The following C12orf43 variants were observed in gnomAD, a reference collection of about 807,000 sequenced individuals.
The protein encoded by C12orf43 is chromosome 12 open reading frame 43, also known as protein CUSTOS.
C12orf43 carries 15 observed loss-of-function variants against 20.6 expected under a neutral mutation model. That is an observed-to-expected ratio of 0.73 (90% CI 0.49 to 1.12). The LOEUF is 1.12. C12orf43 is among the 50% of genes most tolerant of loss of function. C12orf43 has a pLI of 0.00. For synonymous variants in C12orf43, 144 were observed against 130.8 expected (o/e 1.10, Z -0.69); for missense variants, 334 against 344.4 (o/e 0.97, Z 0.24).
Position 121,001,128 on chromosome 12 carries a change from T to C in C12orf43, c.*3025A>G. On this transcript the variant is annotated 3_prime_UTR_variant, in exon 6 of 6. Transcript: ENST00000288757. ...TCCAGCAATGGCCAGAGCCACCTGC[T>C]GCCATCCAACCACAGCGTCATCGAG... The C allele has an allele frequency of 6.2e-7, 1 of 1,614,090 alleles. No individual in the cohort carries two copies. The highest frequency in any genetic ancestry group is 8.5e-7 in the Non-Finnish European group (1 of 1,179,984).
intron 1 of C12orf43, chr12:121,012,607 C>T: frequency 6.6e-6 from 4 of 608,086 alleles, no homozygotes; most frequent in Non-Finnish European, 1.2e-5. Context: ...AATCCCAGCA[C>T]TTTGGGAGGC....
Position 121,012,849 on chromosome 12 carries a change from TAAAAAAA to T in C12orf43, c.146-1710_146-1704del, listed in dbSNP as rs10636003. Among the ~76,000 whole-genome samples the T allele has an allele frequency of 1.2e-3, 109 of 91,986 alleles. 2 individuals carry two copies. The highest frequency in any genetic ancestry group is 2.0e-3 in the Non-Finnish European group (92 of 46,974). 60.3% of individuals were successfully genotyped at this position (91,986 alleles called of 152,430 possible). A position where few individuals can be genotyped will look rare whatever the true frequency, so the allele number is the denominator to read the frequency against. On this transcript the variant is annotated intron_variant, in intron 1 of 5. Transcript: ENST00000288757. The stretch of plus-strand genomic sequence containing the variant: ...CCTGGTGACAGAGCAAGACTCCGTC[TAAAAAAA>T]AAAAAAAAAAAAAAAAAAGATGGAG...
chr12:121,001,852 C>T lies in C12orf43; in HGVS notation c.*2301G>A, dbSNP rs937579196. The T allele has an allele frequency of 2.7e-5, 14 of 525,930 alleles. No individual in the cohort carries two copies. Among genetic ancestry groups the T allele is most frequent in the Non-Finnish European group, 4.8e-5 (13 of 271,028 alleles). The allele number at this position is 525,930 out of a possible 1,614,324, so 32.6% of individuals were successfully genotyped here. A position where few individuals can be genotyped will look rare whatever the true frequency, so the allele number is the denominator to read the frequency against. ...AAGGCAGGCAGGGCTCTCCTGGCTTCCCATCCCCAGCGATTCCCTCTCCCA... is the reference window on the plus strand; with the variant it reads ...AAGGCAGGCAGGGCTCTCCTGGCTTTCCATCCCCAGCGATTCCCTCTCCCA... On this transcript the variant is annotated 3_prime_UTR_variant, in exon 6 of 6. Transcript: ENST00000288757.
chr12:121,014,537 G>C (rs1464388626), intron 1 of C12orf43, among the ~76,000 whole-genome samples: 14 of 151,454 alleles, frequency 9.2e-5, no homozygotes, highest in Admixed American at 9.2e-4. Context: ...GGCTGAGGCA[G>C]GAGAATCACT....
chr12:121,006,336 C>T lies in C12orf43; in HGVS notation c.346G>A (p.Ala116Thr), dbSNP rs771474742. The T allele has an allele frequency of 5.0e-6, 8 of 1,613,826 alleles. No individual in the cohort carries two copies. In the Admixed American group the frequency reaches 8.3e-5, roughly 17 times the overall value. Residue 116 changes from alanine (A) to threonine (T), a missense_variant, in exon 4 of 6, where the codon GCT becomes ACT. Coordinates refer to ENST00000288757, the MANE Select transcript of C12orf43 (RefSeq NM_022895.3). The part of the protein sequence containing the change: ...EPAKAKVQKV[A>T]LEDDGFRLFF... ...AACCACTCACCATCATCCTCCAAAG[C>T]GACTTTCTGTACCTTAGCTTTTGCT...
chr12:121,004,136 T>C lies in C12orf43; in HGVS notation c.*17A>G, dbSNP rs373975228. 85 of 1,613,454 alleles carry C rather than the reference T, an allele frequency of 5.3e-5. No homozygotes were observed. The African/African-American group carries it at 9.1e-4, about 17-fold the overall frequency. ...CTTGTCCTTGGAGCTGGCTGAGCCC[T>C]GTGCCCATGGCTGGGTTCAGTTTGC... On this transcript the variant is annotated 3_prime_UTR_variant, in exon 6 of 6. Coordinates refer to ENST00000288757, the MANE Select transcript of C12orf43 (RefSeq NM_022895.3). This position sits in a 1 kb window ranked among gnomAD's most constrained non-coding sequence, Gnocchi z 5.6.
At chr12:121,007,981 C>T (rs1370438432) in intron 3 of C12orf43, among the ~76,000 whole-genome samples, 1 of 150,814 alleles carries the variant, frequency 6.6e-6, no homozygotes, top group Non-Finnish European at 1.5e-5. Context: ...GTGCTACTAT[C>T]ATCTAGTAGG....
At chr12:121,014,610 A>G (rs1431548882) in intron 1 of C12orf43, among the ~76,000 whole-genome samples, 1 of 147,844 alleles carries the variant, frequency 6.8e-6, no homozygotes, top group Non-Finnish European at 1.5e-5. Flanking sequence ...AGCCTGGGCA[A>G]CAAGAGTGAA....
chr12:121,012,666 C>T (rs1016033692), intron 1 of C12orf43: 5 of 483,462 alleles, frequency 1.0e-5, no homozygotes, highest in African/African-American at 2.0e-5. Context: ...TCCTGGTCAA[C>T]ATGGTGAAAC....
intron 1 of C12orf43, among the ~76,000 whole-genome samples, chr12:121,011,995 A>G (rs1382146405): frequency 6.6e-6 from 1 of 152,224 alleles, no homozygotes; most frequent in Non-Finnish European, 1.5e-5. Flanking sequence ...ATAAACACAC[A>G]TACGTAAACA....
At chr12:121,014,512 C>T (rs1868702490) in intron 1 of C12orf43, among the ~76,000 whole-genome samples, 1 of 151,604 alleles carries the variant, frequency 6.6e-6, no homozygotes, top group Non-Finnish European at 1.5e-5. Context: ...CGCCTGTAAT[C>T]CCAGCTACTA....
intron 3 of C12orf43, among the ~76,000 whole-genome samples, chr12:121,009,444 CAAA>C (rs1878274897): frequency 6.6e-6 from 1 of 151,774 alleles, no homozygotes; most frequent in Admixed American, 6.6e-5. Context: ...ACTCTGTCTC[CAAA>C]AAGAGAAAAG....
At chr12:121,016,275 C>G (rs779047303) in intron 1 of C12orf43, 55 bp downstream of exon 1, 7 of 1,609,800 alleles carry the variant, frequency 4.3e-6, no homozygotes, top group Non-Finnish European at 5.9e-6. Context: ...TCCTCTCAGG[C>G]TCCAGGGGAA....
Position 121,003,939 on chromosome 12 carries a change from G to A in C12orf43, c.*214C>T. ...CAGCCCTCCGTGGGAGCACAGAGGG[G>A]CAGGCCTTGATTGGTCTTCTCACCC... On this transcript the variant is annotated 3_prime_UTR_variant, in exon 6 of 6. Transcript: ENST00000288757. 1 of 606,028 alleles carries A rather than the reference G, an allele frequency of 1.7e-6. No individual in the cohort carries two copies. The allele number at this position is 606,028 out of a possible 1,614,324, so 37.5% of individuals were successfully genotyped here.
At chr12:121,016,257 ACCAT>A (rs1868902576) in intron 1 of C12orf43, 69 bp downstream of exon 1, 2 of 1,603,382 alleles carry the variant, frequency 1.2e-6, no homozygotes, top group Non-Finnish European at 1.7e-6. Flanking sequence ...CTCTCTCCTC[ACCAT>A]CCATCCTCTC....
At chr12:121,016,189 A>G (rs868430768) in intron 1 of C12orf43, 141 bp downstream of exon 1, 1 of 1,302,274 alleles carries the variant, frequency 7.7e-7, no homozygotes, top group Non-Finnish European at 1.1e-6. Context: ...CATGCTTTCA[A>G]TCTGCACTAC....
At position 121,002,387 on chromosome 12, in the gene C12orf43, C is replaced by G; in HGVS notation, c.*1766G>C. 1 of 519,360 alleles carries G rather than the reference C, an allele frequency of 1.9e-6. No individual in the cohort carries two copies. Among genetic ancestry groups the G allele is most frequent in the Non-Finnish European group, 3.7e-6 (1 of 269,858 alleles). 32.2% of individuals were successfully genotyped at this position (519,360 alleles called of 1,614,324 possible). ...GCTGAGAACCTGGCCTTCAGTGTAC[C>G]GCGTCTACCCTGGGATTCAGGAAAA... On this transcript the variant is annotated 3_prime_UTR_variant, in exon 6 of 6. Transcript: ENST00000288757.
chr12:121,015,280 G>A (rs868824934), intron 1 of C12orf43, among the ~76,000 whole-genome samples: 9 of 152,176 alleles, frequency 5.9e-5, no homozygotes, highest in South Asian at 2.1e-4. Context: ...GGCAGACTAT[G>A]GTCTGGAAGC....
Position 121,001,593 on chromosome 12 carries a change from C to T in C12orf43, c.*2560G>A. 2.3e-6 allele frequency: 1 copy of T among 440,122 alleles called. No homozygotes were observed. Among genetic ancestry groups the T allele is most frequent in the East Asian group, 4.0e-5 (1 of 24,824 alleles). The allele number at this position is 440,122 out of a possible 1,614,324, so 27.3% of individuals were successfully genotyped here. On this transcript the variant is annotated 3_prime_UTR_variant, in exon 6 of 6. Coordinates refer to ENST00000288757, the MANE Select transcript of C12orf43 (RefSeq NM_022895.3). ...CAGCCACACTTCTCAGGACACAGGC[C>T]TGTGTAGCTGTGACCTGCTGAGCTC...
Sources: gnomAD v4.1 joint callset for allele counts (sites outside exome capture counted in the v4.1 genomes callset) on GRCh38, gnomAD v4.1.1 for gene constraint, Gnocchi (gnomAD v3.1) non-coding constraint, MANE v1.5 for transcripts, NCBI Gene and HGNC (gene_info 2026-07-23, HGNC 2026-07-21) for gene names.